The following ACVRL1 variants were observed in gnomAD, a reference collection of about 807,000 sequenced individuals.
ACVRL1 encodes activin A receptor like type 1.
In ACVRL1, 20 loss-of-function variants were observed where a neutral mutation model predicts 51.9. That is an observed-to-expected ratio of 0.39 (90% CI 0.27 to 0.56). The LOEUF is 0.56. Among genes scored for constraint, ACVRL1 ranks in the 20% least tolerant of loss-of-function variants. The pLI is 0.67. For synonymous variants in ACVRL1, 288 were observed against 280.9 expected, an observed-to-expected ratio of 1.03 and a Z score of -0.25; for missense variants, 451 against 670.3, an observed-to-expected ratio of 0.67 and a Z score of 3.61.
At chr12:51,915,159 C>T in intron 6 of ACVRL1, 66 bp from the exon 7 acceptor site, 1 of 1,589,790 alleles carries the variant, frequency 6.3e-7, no homozygotes, top group Non-Finnish European at 8.6e-7. Flanking sequence ...CCACCCTGAC[C>T]CTGACGACTC....
At chr12:51,912,317 C>T (rs541639505) in intron 1 of ACVRL1, 153 bp from the exon 2 acceptor site, 39 of 801,006 alleles carry the variant, frequency 4.9e-5, no homozygotes, top group Non-Finnish European at 8.1e-5. Flanking sequence ...CTGCAGGCCC[C>T]GCCCCAAAGC....
At chr12:51,909,895 G>A (rs993186623) in intron 1 of ACVRL1, among the ~76,000 whole-genome samples, 2 of 152,172 alleles carry the variant, frequency 1.3e-5, no homozygotes, top group Non-Finnish European at 2.9e-5. Flanking sequence ...TTAGTTTAAC[G>A]TCTGTAATTT....
chr12:51,913,804 G>C, intron 4 of ACVRL1, 34 bp downstream of exon 4: 6 of 1,607,084 alleles, frequency 3.7e-6, no homozygotes, highest in East Asian at 2.2e-5. Flanking sequence ...ACAGGGTGTA[G>C]GAGGGGCAGA....
intron 9 of ACVRL1, 176 bp downstream of exon 9, chr12:51,919,291 G>C (rs1367890840): frequency 1.1e-6 from 1 of 918,368 alleles, no homozygotes; most frequent in African/African-American, 1.7e-5. Context: ...CCTGCCCCCA[G>C]GGCCATCTGG....
In ACVRL1 at chr12:51,922,592, G is replaced by A. The variant is rs1167389431; in HGVS notation, c.*1699G>A. ...TGTATGTATGCTCACGTATGGAGCA[G>A]GTTGTCCTGGTCCCTGGGTGCAGGG... On this transcript the variant is annotated 3_prime_UTR_variant, in exon 10 of 10. Coordinates refer to ENST00000388922, the MANE Select transcript of ACVRL1 (RefSeq NM_000020.3). The A allele has an allele frequency of 6.6e-6, 1 of 152,468 alleles. No homozygotes were observed. The highest frequency in any genetic ancestry group is 2.4e-5 in the African/African-American group (1 of 41,468). The allele number at this position is 152,468 out of a possible 1,614,324, so 9.4% of individuals were successfully genotyped here.
At chr12:51,908,405 C>A (rs567723025) in intron 1 of ACVRL1, among the ~76,000 whole-genome samples, 13 of 152,352 alleles carry the variant, frequency 8.5e-5, no homozygotes, top group African/African-American at 2.9e-4. Flanking sequence ...CAGCTTCTGG[C>A]TGAGTCAGGG....
At chr12:51,920,549 G>A (rs1425520961) in intron 9 of ACVRL1, among the ~76,000 whole-genome samples, 24 of 151,688 alleles carry the variant, frequency 1.6e-4, no homozygotes, top group Non-Finnish European at 7.4e-5. Flanking sequence ...CTCACCACTT[G>A]TCTTTCCTCT....
Position 51,913,725 on chromosome 12 carries a change from C to G in ACVRL1, c.480C>G (p.Ser160=), listed in dbSNP as rs1296690816. 1 of 1,612,108 alleles carries G rather than the reference C, an allele frequency of 6.2e-7. No individual in the cohort carries two copies. Among genetic ancestry groups the G allele is most frequent in the African/African-American group, 1.3e-5 (1 of 74,928 alleles). The change falls in exon 4 of 10, where the codon TCC becomes TCG. Residue 160 remains serine, a synonymous_variant. Transcript: ENST00000388922. ...QRGLHSELGE[S]SLILKASEQG... The stretch of plus-strand genomic sequence containing the variant: ...GCCTGCACAGCGAGCTGGGAGAGTC[C>G]AGTCTCATCCTGAAAGCATCTGAGC...
chr12:51,913,489 A>G (rs1940746101), intron 3 of ACVRL1, 70 bp from the exon 4 acceptor site: 1 of 1,541,498 alleles, frequency 6.5e-7, no homozygotes, highest in Non-Finnish European at 8.7e-7. Flanking sequence ...TCTAACTGGC[A>G]GAGTGGTCTG....
chr12:51,920,951 G>A lies in ACVRL1; in HGVS notation c.*58G>A, dbSNP rs182368657. 0.01 allele frequency: 12,705 copies of A among 1,262,970 alleles called. 219 individuals are homozygous for A. The highest frequency in any genetic ancestry group is 0.021 in the South Asian group (1,654 of 78,516). The allele number at this position is 1,262,970 out of a possible 1,614,324, so 78.2% of individuals were successfully genotyped here. On this transcript the variant is annotated 3_prime_UTR_variant, in exon 10 of 10. Transcript: ENST00000388922. The stretch of plus-strand genomic sequence containing the variant: ...GGGGCTGGGGGGGTGGGGGGCAGTG[G>A]ATGGTGCCCTATCTGGGTAGAGGTA...
At position 51,917,345 on chromosome 12, in the gene ACVRL1, G is replaced by T. The variant is rs1940864540; in HGVS notation, c.1246+1112G>T. On this transcript the variant is annotated intron_variant, in intron 8 of 9. Transcript: ENST00000388922. This position sits in a 1 kb window ranked among gnomAD's most constrained non-coding sequence, Gnocchi z 4.2. ...GTTGTTACTGTGGGTTGCCACAGGG[G>T]ACTCTGATTTAGAGGGACTGCGACA... Among the ~76,000 whole-genome samples, 1 of 152,248 alleles carries T rather than the reference G, an allele frequency of 6.6e-6. No individual in the cohort carries two copies. The highest frequency in any genetic ancestry group is 6.5e-5 in the Admixed American group (1 of 15,286).
chr12:51,912,801 G>T (rs914216934), intron 2 of ACVRL1, among the ~76,000 whole-genome samples: 1 of 152,120 alleles, frequency 6.6e-6, no homozygotes, highest in African/African-American at 2.4e-5. Flanking sequence ...GAGAGCAGGT[G>T]TTGGCAGGCC....
At chr12:51,907,295 C>A (rs1192938512), upstream of ACVRL1, 1 of 152,086 alleles carries the variant, frequency 6.6e-6, no homozygotes, top group African/African-American at 2.4e-5. This position sits in a 1 kb window ranked among gnomAD's most constrained non-coding sequence, Gnocchi z 4.5. Context: ...GCCAGCGACC[C>A]GGGAGCTGCG....
chr12:51,920,457 C>T lies in ACVRL1; in HGVS notation c.1378-302C>T, dbSNP rs939234454. Among the ~76,000 whole-genome samples the T allele has an allele frequency of 9.2e-5, 14 of 152,188 alleles. No individual in the cohort carries two copies. Among genetic ancestry groups the T allele is most frequent in the African/African-American group, 2.9e-4 (12 of 41,490 alleles). ...AAGATCTGAGTTCTCTCTTTCTGTCCGCCCTGTCTTTCTCCATCCCTTTCT... is the reference window on the plus strand; with the variant it reads ...AAGATCTGAGTTCTCTCTTTCTGTCTGCCCTGTCTTTCTCCATCCCTTTCT... On this transcript the variant is annotated intron_variant, in intron 9 of 9. Transcript: ENST00000388922.
chr12:51,918,859 C>T, intron 8 of ACVRL1, 126 bp from the exon 9 acceptor site: 1 of 1,344,708 alleles, frequency 7.4e-7, no homozygotes, highest in Non-Finnish European at 1.1e-6. Flanking sequence ...CTGTCCCTCT[C>T]AGGGGTAGCG....
At position 51,918,918 on chromosome 12, in the gene ACVRL1, C is replaced by A; in HGVS notation, c.1247-67C>A. The A allele has an allele frequency of 4.3e-6, 7 of 1,612,416 alleles. 1 individual carries two copies. The South Asian group carries it at 7.7e-5, about 18-fold the overall frequency. On this transcript the variant is annotated intron_variant, in intron 8 of 9. Transcript: ENST00000388922. ...CCTTGGATAGAGGGTAGAAAAGGCT[C>A]TCCTCTGGGTGGTATTGGGCCTCCT...
chr12:51,921,665 G>C lies in ACVRL1; in HGVS notation c.*772G>C, dbSNP rs1345851078. The C allele has an allele frequency of 6.5e-6, 1 of 152,802 alleles. No individual in the cohort carries two copies. Among genetic ancestry groups the C allele is most frequent in the Non-Finnish European group, 1.5e-5 (1 of 68,514 alleles). 9.5% of individuals were successfully genotyped at this position (152,802 alleles called of 1,614,324 possible). A position where few individuals can be genotyped will look rare whatever the true frequency, so the allele number is the denominator to read the frequency against. On this transcript the variant is annotated 3_prime_UTR_variant, in exon 10 of 10. Transcript: ENST00000388922. ...GGTCAGTGGGTGTCAAGAGACCCAG[G>C]TCTGACCCCGGATGTTTGCTCCATG...
At chr12:51,913,803 A>G in intron 4 of ACVRL1, 33 bp downstream of exon 4, 1 of 1,607,040 alleles carries the variant, frequency 6.2e-7, no homozygotes, top group Non-Finnish European at 8.5e-7. Context: ...CACAGGGTGT[A>G]GGAGGGGCAG....
intron 9 of ACVRL1, 152 bp from the exon 10 acceptor site, chr12:51,920,607 C>A: frequency 1.2e-6 from 1 of 830,728 alleles, no homozygotes; most frequent in Non-Finnish European, 2.0e-6. Context: ...TCCTTTCTCT[C>A]CTGCTTATGT....
Sources: gnomAD v4.1 joint callset for allele counts (sites outside exome capture counted in the v4.1 genomes callset) on GRCh38, gnomAD v4.1.1 for gene constraint, Gnocchi (gnomAD v3.1) non-coding constraint, MANE v1.5 for transcripts, NCBI Gene and HGNC (gene_info 2026-07-23, HGNC 2026-07-21) for gene names.